The following UBA2 variants were observed in gnomAD, a reference collection of about 807,000 sequenced individuals.
UBA2 encodes ubiquitin like modifier activating enzyme 2, also known as SUMO-activating enzyme subunit 2.
In UBA2, 11 loss-of-function variants were observed where a neutral mutation model predicts 77.2. The observed-to-expected ratio is 0.14, with a 90% confidence interval of 0.09 to 0.24. UBA2 has a LOEUF of 0.24. Ranked by LOEUF, UBA2 falls within the 10% of genes least tolerant of loss-of-function variation. UBA2 has a pLI of 1.00. For synonymous variants in UBA2, 278 were observed against 276.7 expected, an observed-to-expected ratio of 1.00 and a Z score of -0.05; for missense variants, 487 against 781.7, an observed-to-expected ratio of 0.62 and a Z score of 4.50.
chr19:34,459,717 C>T (rs1018751792), intron 13 of UBA2, among the ~76,000 whole-genome samples: 1 of 152,150 alleles, frequency 6.6e-6, no homozygotes. Context: ...CTGGTTGTGA[C>T]CATCATAATG....
intron 4 of UBA2, among the ~76,000 whole-genome samples, chr19:34,434,627 A>G (rs910637903): frequency 2.6e-5 from 4 of 152,184 alleles, no homozygotes; most frequent in African/African-American, 9.7e-5. Context: ...GATTTTTAAG[A>G]TTATGTGTTT....
chr19:34,451,552 T>TG (rs2075497801), intron 9 of UBA2, among the ~76,000 whole-genome samples: 1 of 133,272 alleles, frequency 7.5e-6, no homozygotes, highest in African/African-American at 2.8e-5. Flanking sequence ...TTTTTTTTTT[T>TG]TTTTTTTTTT....
Position 34,470,689 on chromosome 19 carries a change from A to AT in UBA2, c.*1474dup, listed in dbSNP as rs1254297900. ...AGGCGCCCTCCACCACGCTCAGCTA[A>AT]TTTTTTGTATTTTTAGTAGAGATGG... On this transcript the variant is annotated 3_prime_UTR_variant, in exon 17 of 17. Coordinates refer to ENST00000246548, the MANE Select transcript of UBA2 (RefSeq NM_005499.3). 1 of 151,886 alleles carries AT rather than the reference A, an allele frequency of 6.6e-6. No homozygotes were observed. The highest frequency in any genetic ancestry group is 1.5e-5 in the Non-Finnish European group (1 of 68,014). 9.4% of individuals were successfully genotyped at this position (151,886 alleles called of 1,614,324 possible).
chr19:34,461,536 T>C (rs1209085144), intron 14 of UBA2, among the ~76,000 whole-genome samples: 1 of 152,246 alleles, frequency 6.6e-6, no homozygotes, highest in Non-Finnish European at 1.5e-5. Context: ...GATTATATGC[T>C]GTCCCTTAGT....
At chr19:34,446,049 G>A (rs1406027578) in intron 8 of UBA2, among the ~76,000 whole-genome samples, 1 of 151,800 alleles carries the variant, frequency 6.6e-6, no homozygotes, top group Non-Finnish European at 1.5e-5. Context: ...TGGAGAATGG[G>A]GTCTCACCAT....
intron 2 of UBA2, 104 bp downstream of exon 2, chr19:34,430,763 CTCATT>C: frequency 1.3e-6 from 1 of 781,256 alleles, no homozygotes. Context: ...GGGTGAAGCT[CTCATT>C]TCAGCTGAGA....
rs1811231888 is a variant in UBA2 at position 34,454,183 on chromosome 19, A to C, written c.1039-77A>C. ...AGTCTATAGTATTATAAACACGTGA[A>C]AGTATTGTTCTGAAAGTAATGCTTC... is the stretch of plus-strand genomic sequence containing the variant. On this transcript the variant is annotated intron_variant, in intron 10 of 16. Transcript: ENST00000246548. The C allele has an allele frequency of 4.0e-5, 50 of 1,260,778 alleles. 2 individuals carry two copies. The South Asian group carries it at 6.4e-4, about 16-fold the overall frequency. 78.1% of individuals were successfully genotyped at this position (1,260,778 alleles called of 1,614,324 possible).
intron 16 of UBA2, chr19:34,467,264 T>G: frequency 2.4e-6 from 1 of 424,520 alleles, no homozygotes; most frequent in East Asian, 3.8e-5. Flanking sequence ...GGCCAGGAGT[T>G]GGAGAACAGC....
At chr19:34,466,178 A>AG (rs772038466) in intron 15 of UBA2, among the ~76,000 whole-genome samples, 123 of 152,014 alleles carry the variant, frequency 8.1e-4, no homozygotes, top group Non-Finnish European at 1.6e-3. Context: ...TACTAAAAAT[A>AG]CAAAAAAATT....
chr19:34,440,654 C>A (rs990190131), intron 6 of UBA2, among the ~76,000 whole-genome samples: 21 of 152,098 alleles, frequency 1.4e-4, no homozygotes, highest in African/African-American at 4.6e-4. Flanking sequence ...TGGGAATGGG[C>A]GCAGTGTATC....
intron 1 of UBA2, 75 bp downstream of exon 1, chr19:34,428,645 G>C (rs1431403926): frequency 3.3e-5 from 41 of 1,237,504 alleles, no homozygotes; most frequent in Non-Finnish European, 4.1e-6. Context: ...CGGGGCTCCA[G>C]GGGCTCTGAG....
At position 34,433,438 on chromosome 19, in the gene UBA2, T is replaced by C. The variant is rs370737941; in HGVS notation, c.358+26T>C. Reference sequence around the variant, plus strand: ...GTGAGGTTATTTTAATACTTTTAATTTCTCAGTATTTCCTCTCTCCCATAT... The same window carrying C: ...GTGAGGTTATTTTAATACTTTTAATCTCTCAGTATTTCCTCTCTCCCATAT... On this transcript the variant is annotated intron_variant, in intron 4 of 16. Transcript: ENST00000246548. 19 of 1,410,014 alleles carry C rather than the reference T, an allele frequency of 1.3e-5. No individual in the cohort carries two copies. The African/African-American group carries it at 2.6e-4, about 19-fold the overall frequency. 87.3% of individuals were successfully genotyped at this position (1,410,014 alleles called of 1,614,324 possible). A position where few individuals can be genotyped will look rare whatever the true frequency, so the allele number is the denominator to read the frequency against.
At chr19:34,456,498 T>A (rs2075564290) in intron 12 of UBA2, among the ~76,000 whole-genome samples, 3 of 152,198 alleles carry the variant, frequency 2.0e-5, no homozygotes, top group African/African-American at 7.2e-5. Context: ...CATCTTGATT[T>A]AGTTTTCTAT....
At chr19:34,448,614 C>A (rs1203025785) in intron 8 of UBA2, among the ~76,000 whole-genome samples, 1 of 151,982 alleles carries the variant, frequency 6.6e-6, no homozygotes, top group African/African-American at 2.4e-5. Context: ...TATAAGTGAG[C>A]TGGGAGGCAG....
intron 6 of UBA2, among the ~76,000 whole-genome samples, chr19:34,440,774 A>C (rs1393471171): frequency 2.0e-5 from 3 of 152,098 alleles, no homozygotes. Flanking sequence ...TAAAAATACA[A>C]AATTAGCCGG....
At position 34,470,973 on chromosome 19, in the gene UBA2, C is replaced by T. The variant is rs186156584; in HGVS notation, c.*1752C>T. On this transcript the variant is annotated 3_prime_UTR_variant, in exon 17 of 17. Coordinates refer to ENST00000246548, the MANE Select transcript of UBA2 (RefSeq NM_005499.3). ...TTTCTGCAGTGTTTGTCTGGGTTGT[C>T]CCCTAGTTTACCAAAGTCCATTTTG... 4 of 152,276 alleles carry T rather than the reference C, an allele frequency of 2.6e-5. No individual in the cohort carries two copies. The East Asian group carries it at 7.7e-4, about 29-fold the overall frequency. The allele number at this position is 152,276 out of a possible 1,614,324, so 9.4% of individuals were successfully genotyped here. A position where few individuals can be genotyped will look rare whatever the true frequency, so the allele number is the denominator to read the frequency against.
intron 12 of UBA2, among the ~76,000 whole-genome samples, chr19:34,455,817 A>G (rs2075552007): frequency 6.6e-6 from 1 of 151,788 alleles, no homozygotes; most frequent in Non-Finnish European, 1.5e-5. Context: ...TAATTTTTGT[A>G]TTTTTAGTAG....
chr19:34,466,853 A>G, intron 15 of UBA2, 25 bp from the exon 16 acceptor site: 1 of 1,610,552 alleles, frequency 6.2e-7, no homozygotes, highest in Admixed American at 1.7e-5. Context: ...TAGTCATAGC[A>G]GTGACCTGTG....
chr19:34,450,247 C>T lies in UBA2; in HGVS notation c.772-18C>T, dbSNP rs771879232. Reference sequence around the variant, plus strand: ...TTAGGGATTATGGGGTTCATGGGATCTGTCTTTCTTTTGTAAGCTTTTTAA... The same window carrying T: ...TTAGGGATTATGGGGTTCATGGGATTTGTCTTTCTTTTGTAAGCTTTTTAA... On this transcript the variant is annotated intron_variant, in intron 8 of 16. Transcript: ENST00000246548. 19 of 1,569,730 alleles carry T rather than the reference C, an allele frequency of 1.2e-5. No individual in the cohort carries two copies. The highest frequency in any genetic ancestry group is 1.7e-5 in the Non-Finnish European group (19 of 1,145,032).
Sources: gnomAD v4.1 joint callset for allele counts (sites outside exome capture counted in the v4.1 genomes callset) on GRCh38, gnomAD v4.1.1 for gene constraint, MANE v1.5 for transcripts, NCBI Gene and HGNC (gene_info 2026-07-23, HGNC 2026-07-21) for gene names.